VWA5A: variants seen among roughly 807,000 people sequenced by gnomAD.
The protein encoded by VWA5A is von Willebrand factor A domain-containing protein 5A.
VWA5A carries 77 observed loss-of-function variants against 84.6 expected under a neutral mutation model. The ratio of observed to expected loss-of-function variants is 0.91; its 90% CI spans 0.76 to 1.10. The LOEUF (loss-of-function observed/expected upper bound fraction) is 1.10. Ranked by LOEUF, VWA5A falls within the 50% of genes least tolerant of loss-of-function variation. The pLI, the probability that VWA5A is intolerant of heterozygous loss-of-function variation, is 0.00. For synonymous variants in VWA5A, 334 were observed against 350.1 expected, an observed-to-expected ratio of 0.95 and a Z score of 0.51; for missense variants, 973 against 963.0, an observed-to-expected ratio of 1.01 and a Z score of -0.14.
At position 124,117,761 on chromosome 11, in the gene VWA5A, A is replaced by G. The variant is rs1488924772; in HGVS notation, c.132A>G (p.Lys44=). The G allele has an allele frequency of 6.2e-7, 1 of 1,614,200 alleles. No homozygotes were observed. Among genetic ancestry groups the G allele is most frequent in the South Asian group, 1.1e-5 (1 of 91,086 alleles). ...SATLNYENEE[K]VPLEAFFVFP... ...CTTTGAACTACGAGAATGAGGAGAA[A>G]GTTCCTTTGGAGGCCTTCTTTGTGT... is the stretch of plus-strand genomic sequence containing the variant. Residue 44 remains lysine (K), a synonymous_variant, in exon 4 of 19, where the codon AAA becomes AAG. Coordinates refer to ENST00000456829, the MANE Select transcript of VWA5A (RefSeq NM_001130142.2).
chr11:124,134,722 G>C (rs555104770), intron 11 of VWA5A, among the ~76,000 whole-genome samples, 198 bp from the exon 12 acceptor site: 70 of 152,334 alleles, frequency 4.6e-4, no homozygotes, highest in African/African-American at 1.6e-3. Context: ...TAGGGGTCTT[G>C]TGATGATTAA....
At position 124,118,427 on chromosome 11, in the gene VWA5A, C is replaced by A. The variant is rs749750177; in HGVS notation, c.469+16C>A. The stretch of plus-strand genomic sequence containing the variant: ...CAGTTCTCTGGTGAGTACCTCTCCC[C>A]TTTGAATTCTAGTGGTGGGTGACAT... On this transcript the variant is annotated intron_variant, in intron 5 of 18. Coordinates refer to ENST00000456829, the MANE Select transcript of VWA5A (RefSeq NM_001130142.2). 3 of 1,613,010 alleles carry A rather than the reference C, an allele frequency of 1.9e-6. No individual in the cohort carries two copies. In the African/African-American group the frequency reaches 4.0e-5, roughly 22 times the overall value.
Position 124,118,216 on chromosome 11 carries a change from T to C in VWA5A, c.274T>C (p.Ser92Pro), listed in dbSNP as rs1864867910. The change falls in exon 5 of 19, where the codon TCC becomes CCC. Residue 92 changes from serine to proline, a missense_variant. Physicochemically the swap from Ser to Pro is moderately conservative, Grantham distance 74. Transcript: ENST00000456829. ...KARTNYEKAISQGHQAFLLEG... is the reference protein window; with the variant it reads ...KARTNYEKAIPQGHQAFLLEG... ...CCGCACCAACTATGAGAAAGCCATC[T>C]CCCAGGGCCACCAGGCCTTCTTATT... 1.2e-6 allele frequency: 2 copies of C among 1,614,084 alleles called. No homozygotes were observed. Among genetic ancestry groups the C allele is most frequent in the Non-Finnish European group, 1.7e-6 (2 of 1,180,004 alleles).
intron 11 of VWA5A, among the ~76,000 whole-genome samples, chr11:124,126,784 C>A (rs1865024509): frequency 1.3e-5 from 2 of 152,040 alleles, no homozygotes; most frequent in South Asian, 4.2e-4. Flanking sequence ...ACAATGGACA[C>A]CATATAACCT....
intron 11 of VWA5A, among the ~76,000 whole-genome samples, chr11:124,126,187 A>G (rs1225161048): frequency 6.6e-6 from 1 of 152,138 alleles, no homozygotes; most frequent in Non-Finnish European, 1.5e-5. Flanking sequence ...AATTTTGTTC[A>G]TTTCATAACC....
rs1319998947 is a variant in VWA5A, at chr11:124,123,399, A to T, written c.964A>T (p.Ile322Leu). The T allele has an allele frequency of 1.2e-6, 2 of 1,613,892 alleles. No homozygotes were observed. The highest frequency in any genetic ancestry group is 1.7e-6 in the Non-Finnish European group (2 of 1,180,010). ...GATTTTGCTGCTGAAGAGTTTACCT[A>T]TAGGCTGTTATTTCAACATCTATGG... is the stretch of plus-strand genomic sequence containing the variant. ...TLILLLKSLP[I>L]GCYFNIYGFG... The change falls in exon 9 of 19, where the codon ATA (isoleucine) becomes TTA (leucine). Residue 322 changes from isoleucine to leucine, a missense_variant. Transcript: ENST00000456829.
intron 11 of VWA5A, among the ~76,000 whole-genome samples, chr11:124,125,438 G>A (rs866077606): frequency 4.0e-5 from 6 of 151,870 alleles, no homozygotes; most frequent in Admixed American, 6.6e-5. Context: ...GCCCACCACC[G>A]CGCCCAGCTA....
chr11:124,136,228 G>A lies in VWA5A; in HGVS notation c.1459G>A (p.Glu487Lys), dbSNP rs761321277. The change falls in exon 13 of 19, where the codon GAA (glutamate) becomes AAA (lysine). Residue 487 changes from glutamate to lysine, a missense_variant. Physicochemically the swap from Glu to Lys is moderately conservative, Grantham distance 56. Coordinates refer to ENST00000456829, the MANE Select transcript of VWA5A (RefSeq NM_001130142.2). ...TCTGTCTGCTAAAATGCTTTCCCCAGAACAGACTGTCATCTTTAGGGGTCA... is the reference window on the plus strand; with the variant it reads ...TCTGTCTGCTAAAATGCTTTCCCCAAAACAGACTGTCATCTTTAGGGGTCA... ...PGLSAKMLSP[E>K]QTVIFRGQRL... is the part of the protein sequence containing the mutation. The A allele has an allele frequency of 3.7e-6, 6 of 1,614,122 alleles. No individual in the cohort carries two copies. The highest frequency in any genetic ancestry group is 4.2e-6 in the Non-Finnish European group (5 of 1,180,032).
At chr11:124,118,813 A>G (rs2137626940) in intron 6 of VWA5A, 105 bp downstream of exon 6, 1 of 1,405,270 alleles carries the variant, frequency 7.1e-7, no homozygotes, top group Non-Finnish European at 9.8e-7. Flanking sequence ...GGGGTCCCAC[A>G]TGCTCCTTGC....
chr11:124,144,881 G>A (rs1860790041), intron 17 of VWA5A, among the ~76,000 whole-genome samples: 1 of 151,928 alleles, frequency 6.6e-6, no homozygotes, highest in South Asian at 2.1e-4. Flanking sequence ...TTCTTTGGTG[G>A]GGGGGTATAA....
At chr11:124,133,724 T>C (rs1865131414) in intron 11 of VWA5A, among the ~76,000 whole-genome samples, 1 of 152,240 alleles carries the variant, frequency 6.6e-6, no homozygotes, top group Non-Finnish European at 1.5e-5. Context: ...AGAAACCTAA[T>C]AGTACTCACT....
rs999128670 is a variant in VWA5A at position 124,118,640 on chromosome 11, G to C, written c.577G>C (p.Glu193Gln). The change falls in exon 6 of 19, where the codon GAG becomes CAG. Residue 193 changes from glutamate (E) to glutamine (Q), a missense_variant. Transcript: ENST00000456829. The stretch of plus-strand genomic sequence containing the variant: ...CACCATAGATTCCCAGCATGGCATT[G>C]AGAAGGTCCAATCCAACTGCCCCTT... ...VATIDSQHGI[E>Q]KVQSNCPLSP... The C allele has an allele frequency of 2.5e-6, 4 of 1,614,046 alleles. No homozygotes were observed. In the East Asian group the frequency reaches 6.7e-5, roughly 27 times the overall value.
chr11:124,139,687 T>C (rs926619527), intron 15 of VWA5A, among the ~76,000 whole-genome samples: 11 of 104,120 alleles, frequency 1.1e-4, no homozygotes, highest in South Asian at 3.1e-4. Flanking sequence ...TTAACAGGTG[T>C]TTTTTTTTTG....
At position 124,135,030 on chromosome 11, in the gene VWA5A, C is replaced by A; in HGVS notation, c.1355C>A (p.Ser452Tyr). ...ATCACAGGCAAAGACAGGATGCAGT[C>A]CAAGGTGAGGGACAGACTGACTGTG... ...EFITGKDRMQ[S>Y]KALRTLKRSL... Residue 452 changes from serine (S) to tyrosine (Y), a missense_variant, in exon 12 of 19, where the codon TCC (serine) becomes TAC (tyrosine). Transcript: ENST00000456829. 1 of 1,612,518 alleles carries A rather than the reference C, an allele frequency of 6.2e-7. No homozygotes were observed. The highest frequency in any genetic ancestry group is 8.5e-7 in the Non-Finnish European group (1 of 1,179,174).
In VWA5A at chr11:124,142,537, A is replaced by T; in HGVS notation, c.2119A>T (p.Ser707Cys). Residue 707 changes from serine (S) to cysteine (C), a missense_variant, in exon 17 of 19, where the codon AGT becomes TGT. Physicochemically the swap from Ser to Cys is moderately radical, Grantham distance 112. Transcript: ENST00000456829. ...NEDLAKILGM[S>C]LEEIMAAQPA... ...AGATCTAGCCAAGATCCTAGGTATG[A>T]GTTTGGAAGAAATAATGGCTGCACA... 1 of 1,614,176 alleles carries T rather than the reference A, an allele frequency of 6.2e-7. No homozygotes were observed. The highest frequency in any genetic ancestry group is 8.5e-7 in the Non-Finnish European group (1 of 1,180,030).
intron 11 of VWA5A, among the ~76,000 whole-genome samples, chr11:124,126,054 C>T (rs1865014535): frequency 2.6e-5 from 4 of 152,296 alleles, no homozygotes; most frequent in African/African-American, 9.6e-5. Context: ...TATACATGTA[C>T]ATTGTTTCTG....
intron 2 of VWA5A, 137 bp from the exon 3 acceptor site, chr11:124,117,360 T>C (rs184331529): frequency 2.4e-6 from 2 of 841,028 alleles, no homozygotes; most frequent in Non-Finnish European, 3.8e-6. Flanking sequence ...TCTCCTTTTT[T>C]TTAAAGGTTC....
Position 124,146,162 on chromosome 11 carries a change from CA to C in VWA5A, c.*218del. The C allele has an allele frequency of 2.1e-6, 1 of 468,036 alleles. No homozygotes were observed. The highest frequency in any genetic ancestry group is 2.5e-5 in the South Asian group (1 of 39,230). The allele number at this position is 468,036 out of a possible 1,614,324, so 29.0% of individuals were successfully genotyped here. A position where few individuals can be genotyped will look rare whatever the true frequency, so the allele number is the denominator to read the frequency against. On this transcript the variant is annotated 3_prime_UTR_variant, in exon 19 of 19. Coordinates refer to ENST00000456829, the MANE Select transcript of VWA5A (RefSeq NM_001130142.2). Reference sequence around the variant, plus strand: ...GCCCTCAGAAAAGTGACAGTGGTCCCAGAACCTATTCCCTTTCTTGAGGGAG... The same window carrying C: ...GCCCTCAGAAAAGTGACAGTGGTCCCGAACCTATTCCCTTTCTTGAGGGAG...
Position 124,134,946 on chromosome 11 carries a change from G to C in VWA5A, c.1271G>C (p.Gly424Ala). Residue 424 changes from glycine (G) to alanine (A), a missense_variant, in exon 12 of 19, where the codon GGC becomes GCC. By Grantham distance (60) the Gly-to-Ala change is moderately conservative. Coordinates refer to ENST00000456829, the MANE Select transcript of VWA5A (RefSeq NM_001130142.2). ...HRCFSFGIGEGTSTSLIKGIA... is the reference protein window; with the variant it reads ...HRCFSFGIGEATSTSLIKGIA... Reference sequence around the variant, plus strand: ...TGTTTCTCATTTGGTATTGGAGAAGGCACCTCCACCAGCCTAATAAAAGGT... The same window carrying C: ...TGTTTCTCATTTGGTATTGGAGAAGCCACCTCCACCAGCCTAATAAAAGGT... 6.2e-7 allele frequency: 1 copy of C among 1,613,150 alleles called. No homozygotes were observed.
Sources: gnomAD v4.1 joint callset for allele counts (sites outside exome capture counted in the v4.1 genomes callset) on GRCh38, gnomAD v4.1.1 for gene constraint, MANE v1.5 for transcripts, NCBI Gene and HGNC (gene_info 2026-07-23, HGNC 2026-07-21) for gene names.